The following FOXP1 variants were observed in gnomAD, a reference collection of about 807,000 sequenced individuals.
FOXP1 encodes the protein forkhead box P1.
A neutral mutation model predicts 98.2 loss-of-function variants in FOXP1; 15 were observed. The observed-to-expected ratio is 0.15, with a 90% CI of 0.10 to 0.24. The LOEUF (loss-of-function observed/expected upper bound fraction) is 0.24. Among genes scored for constraint, FOXP1 ranks in the 10% least tolerant of loss-of-function variants. The pLI is 1.00. For missense variants in FOXP1, 633 were observed against 848.5 expected (o/e 0.75, Z 3.15); for synonymous variants, 371 against 314.5 (o/e 1.18, Z -1.90).
chr3:71,084,850 C>G, intron 7 of FOXP1, among the ~76,000 whole-genome samples: 1 of 152,240 alleles, frequency 6.6e-6, no homozygotes, highest in South Asian at 2.1e-4. Context: ...CTGTGCAACA[C>G]AGCAAGACCC....
intron 5 of FOXP1, among the ~76,000 whole-genome samples, chr3:71,249,209 C>A (rs967847618): frequency 6.6e-6 from 1 of 152,204 alleles, no homozygotes; most frequent in Non-Finnish European, 1.5e-5. Flanking sequence ...AGGGTCCTGG[C>A]GCCTGCCTGG....
At chr3:71,313,548 G>A (rs1186755553) in intron 4 of FOXP1, among the ~76,000 whole-genome samples, 5 of 148,832 alleles carry the variant, frequency 3.4e-5, no homozygotes, top group Non-Finnish European at 7.5e-5. Context: ...TTTTTTTTGA[G>A]ACAGTCTCGC....
At chr3:71,582,875 C>A in intron 1 of FOXP1, 1 of 922,396 alleles carries the variant, frequency 1.1e-6, no homozygotes, top group Non-Finnish European at 1.3e-6. Flanking sequence ...CGCGTGGCAG[C>A]GGGGAAGTTC....
chr3:71,288,998 G>T (rs1219605652), intron 5 of FOXP1, among the ~76,000 whole-genome samples: 1 of 151,376 alleles, frequency 6.6e-6, no homozygotes, highest in Admixed American at 6.6e-5. Context: ...GGCAGAATTT[G>T]ATATGGCTCA....
At chr3:71,534,380 A>AC (rs1277060843) in intron 2 of FOXP1, among the ~76,000 whole-genome samples, 1 of 152,056 alleles carries the variant, frequency 6.6e-6, no homozygotes, top group Non-Finnish European at 1.5e-5. Flanking sequence ...AACAACAACA[A>AC]AAAACCCTAA....
chr3:71,158,727 C>CAAAA (rs71104421), intron 6 of FOXP1, among the ~76,000 whole-genome samples: 2 of 113,098 alleles, frequency 1.8e-5, no homozygotes, highest in Admixed American at 8.8e-5. Context: ...GCCCACAGAC[C>CAAAA]AAAAAAAAAA....
chr3:71,358,329 G>A (rs1313309176), intron 4 of FOXP1, among the ~76,000 whole-genome samples: 1 of 152,172 alleles, frequency 6.6e-6, no homozygotes, highest in African/African-American at 2.4e-5. Context: ...TCCATCAACT[G>A]TAAAATAGAA....
chr3:71,314,667 A>G (rs1386483485), intron 4 of FOXP1, among the ~76,000 whole-genome samples: 1 of 151,998 alleles, frequency 6.6e-6, no homozygotes, highest in South Asian at 2.1e-4. Flanking sequence ...TTTCCCCTCA[A>G]TAGTAGTTGG....
intron 7 of FOXP1, among the ~76,000 whole-genome samples, chr3:71,070,400 C>A (rs1292275837): frequency 2.6e-5 from 4 of 152,176 alleles, no homozygotes; most frequent in African/African-American, 9.7e-5. Flanking sequence ...AAAACACCTT[C>A]TTAGCAGTAA....
intron 6 of FOXP1, among the ~76,000 whole-genome samples, chr3:71,125,886 T>C (rs2059133031): frequency 6.6e-6 from 1 of 152,198 alleles, no homozygotes; most frequent in Admixed American, 6.5e-5. Context: ...AATTCTACCA[T>C]TCGCTAGCTG....
intron 2 of FOXP1, among the ~76,000 whole-genome samples, chr3:71,566,634 C>T (rs1334996521): frequency 1.3e-5 from 2 of 152,178 alleles, no homozygotes; most frequent in African/African-American, 2.4e-5. Flanking sequence ...CAGGGGATCA[C>T]GCATTTTTCC....
chr3:71,097,211 GT>G (rs1472095749), intron 7 of FOXP1, among the ~76,000 whole-genome samples: 1 of 152,110 alleles, frequency 6.6e-6, no homozygotes, highest in Non-Finnish European at 1.5e-5. Flanking sequence ...GCCAAGAATT[GT>G]TTTTATATTC....
chr3:71,241,078 C>T (rs1446497798), intron 5 of FOXP1, among the ~76,000 whole-genome samples: 10 of 151,316 alleles, frequency 6.6e-5, no homozygotes, highest in Admixed American at 2.6e-4. Flanking sequence ...GGCATGGTGG[C>T]GGGTGCCTGT....
At chr3:71,332,023 T>A (rs2076351101) in intron 4 of FOXP1, among the ~76,000 whole-genome samples, 1 of 152,176 alleles carries the variant, frequency 6.6e-6, no homozygotes, top group African/African-American at 2.4e-5. Flanking sequence ...ATCAGCAGGA[T>A]GTGGGTGGGG....
chr3:71,027,737 A>C (rs1209764894), intron 11 of FOXP1, among the ~76,000 whole-genome samples: 1 of 152,228 alleles, frequency 6.6e-6, no homozygotes, highest in Non-Finnish European at 1.5e-5. Flanking sequence ...TTGAAAATGT[A>C]TATATACATT....
At chr3:71,385,142 T>C (rs938583994) in intron 3 of FOXP1, among the ~76,000 whole-genome samples, 1 of 152,100 alleles carries the variant, frequency 6.6e-6, no homozygotes, top group African/African-American at 2.4e-5. Context: ...CAATCCTTCA[T>C]TGGCAAAAGC....
intron 12 of FOXP1, among the ~76,000 whole-genome samples, chr3:71,005,929 A>G (rs1297616742): frequency 1.3e-5 from 2 of 152,148 alleles, no homozygotes; most frequent in African/African-American, 4.8e-5. Context: ...CGGAAAAACA[A>G]GATCATTCTG....
In FOXP1 at chr3:71,270,921, T is replaced by C. The variant is rs537189731; in HGVS notation, c.-12+28899A>G. Among the ~76,000 whole-genome samples, 405 of 152,372 alleles carry C rather than the reference T, an allele frequency of 2.7e-3. 2 individuals are homozygous for C. The highest frequency in any genetic ancestry group is 4.3e-3 in the Non-Finnish European group (293 of 68,032). ...GTGCAAGATATGAAGTAAATGCTACTGCACCCATCTGTTTAAAGAATACTT... is the reference window on the plus strand; with the variant it reads ...GTGCAAGATATGAAGTAAATGCTACCGCACCCATCTGTTTAAAGAATACTT... On this transcript the variant is annotated intron_variant, in intron 5 of 20. Transcript: ENST00000649528.
intron 5 of FOXP1, among the ~76,000 whole-genome samples, chr3:71,285,071 C>A (rs910867920): frequency 1.3e-5 from 2 of 152,048 alleles, no homozygotes; most frequent in African/African-American, 4.8e-5. Context: ...TTCCTGATGA[C>A]AATTTTACAT....
Sources: allele counts gnomAD v4.1 joint callset (sites outside exome capture counted in the v4.1 genomes callset), GRCh38; gene constraint gnomAD v4.1.1; transcripts MANE v1.5; gene names NCBI Gene and HGNC (gene_info 2026-07-23, HGNC 2026-07-21).